Variants in PPFIA4 observed in about 807,000 individuals in gnomAD.
The protein encoded by PPFIA4 is liprin-alpha-4.
In PPFIA4, 98 loss-of-function variants were observed where a neutral mutation model predicts 145.7. The ratio of observed to expected loss-of-function variants is 0.67; its 90% confidence interval spans 0.57 to 0.80. The LOEUF is 0.80. Ranked by LOEUF, PPFIA4 falls within the 30% of genes least tolerant of loss-of-function variation. The pLI is 0.00. For missense variants in PPFIA4, 1,457 were observed against 1,632.7 expected, an observed-to-expected ratio of 0.89 and a Z score of 1.85; for synonymous variants, 628 against 649.6, an observed-to-expected ratio of 0.97 and a Z score of 0.51.
At chr1:203,051,115 A>G (rs1660474280) in intron 13 of PPFIA4, 2 of 984,928 alleles carry the variant, frequency 2.0e-6, no homozygotes, top group African/African-American at 1.7e-5. Flanking sequence ...GGAGGCTTCC[A>G]GATATTCCAG....
chr1:203,053,330 C>T (rs1660669556), intron 14 of PPFIA4, among the ~76,000 whole-genome samples: 1 of 151,700 alleles, frequency 6.6e-6, no homozygotes, highest in Non-Finnish European at 1.5e-5. Flanking sequence ...CTCAGAAGTT[C>T]ACTACCAGCC....
intron 15 of PPFIA4, among the ~76,000 whole-genome samples, chr1:203,054,951 C>T (rs973135711): frequency 2.0e-5 from 3 of 152,090 alleles, no homozygotes; most frequent in Admixed American, 1.3e-4. Context: ...CGTGTGCATG[C>T]ACTCCTTGCT....
intron 19 of PPFIA4, among the ~76,000 whole-genome samples, chr1:203,058,884 A>G (rs1346519546): frequency 6.6e-6 from 1 of 152,086 alleles, no homozygotes; most frequent in African/African-American, 2.4e-5. Flanking sequence ...GAGGAAGGAC[A>G]GGTTCTGTCT....
At chr1:203,069,755 A>ACCCCCCCCCCCCCCCCC (rs5780138) in intron 27 of PPFIA4, among the ~76,000 whole-genome samples, 1 of 104,754 alleles carries the variant, frequency 9.5e-6, no homozygotes, top group Non-Finnish European at 2.0e-5. Context: ...TTCTGCAGTG[A>ACCCCCCCCCCCCCCCCC]CCCCCCCGCC....
At chr1:203,059,683 G>C in intron 20 of PPFIA4, 87 bp from the exon 21 acceptor site, 1 of 1,140,216 alleles carries the variant, frequency 8.8e-7, no homozygotes. Context: ...TGGGTCTCCA[G>C]CTCTTGCACA....
intron 5 of PPFIA4, 110 bp from the exon 6 acceptor site, chr1:203,044,586 C>T (rs1659930358): frequency 2.1e-6 from 3 of 1,398,550 alleles, no homozygotes; most frequent in East Asian, 5.0e-5. Context: ...AGGCTGAGCA[C>T]CTCTTTCTAG....
intron 27 of PPFIA4, 53 bp from the exon 28 acceptor site, chr1:203,071,639 G>A: frequency 1.5e-6 from 2 of 1,364,744 alleles, no homozygotes; most frequent in Non-Finnish European, 2.1e-6. Flanking sequence ...TGGCATAAAG[G>A]TAGTTAACTA....
In PPFIA4 at chr1:203,049,750, G is replaced by A; in HGVS notation, c.1494G>A (p.Val498=). ...TGAAGGGCCGAGGGGGGCCGTTTGT[G>A]GATGGCGTCCACTCCAGGTACTGCA... The part of the protein sequence containing the change: ...DQLKGRGGPF[V]DGVHSRSHMG... Residue 498 remains valine (V), a synonymous_variant, in exon 13 of 30, where the codon GTG becomes GTA. Transcript: ENST00000295706. The A allele has an allele frequency of 6.3e-7, 1 of 1,587,710 alleles. No individual in the cohort carries two copies. Among genetic ancestry groups the A allele is most frequent in the Non-Finnish European group, 8.6e-7 (1 of 1,166,794 alleles).
At chr1:203,076,310 A>G in intron 29 of PPFIA4, 31 bp from the exon 30 acceptor site, 2 of 1,598,022 alleles carry the variant, frequency 1.3e-6, no homozygotes, top group African/African-American at 1.3e-5. Context: ...CCTGCCTCAC[A>G]GTGCGATGCC....
intron 27 of PPFIA4, among the ~76,000 whole-genome samples, chr1:203,070,962 T>G (rs1159954384): frequency 6.6e-6 from 1 of 151,810 alleles, no homozygotes; most frequent in Non-Finnish European, 1.5e-5. Context: ...TTTGTTTTTT[T>G]TTTTTCTTAG....
chr1:203,029,180 C>T (rs770264177), intron 1 of PPFIA4, among the ~76,000 whole-genome samples: 44 of 152,190 alleles, frequency 2.9e-4, no homozygotes, highest in Non-Finnish European at 5.0e-4. Flanking sequence ...TGGCCCACTG[C>T]ACAAGAAGCA....
At chr1:203,032,414 C>T (rs1571653406) in intron 1 of PPFIA4, among the ~76,000 whole-genome samples, 1 of 96,120 alleles carries the variant, frequency 1.0e-5, no homozygotes, top group Non-Finnish European at 2.2e-5. Flanking sequence ...GCTTGTAGTT[C>T]TCCCTTCCCC....
intron 19 of PPFIA4, among the ~76,000 whole-genome samples, chr1:203,058,236 G>A (rs1384400391): frequency 6.6e-6 from 1 of 152,180 alleles, no homozygotes; most frequent in Non-Finnish European, 1.5e-5. Flanking sequence ...CGAGGAGGAG[G>A]TTGGGGAAAG....
At chr1:203,033,594 A>T (rs1659001695) in intron 1 of PPFIA4, among the ~76,000 whole-genome samples, 1 of 152,140 alleles carries the variant, frequency 6.6e-6, no homozygotes, top group South Asian at 2.1e-4. Context: ...GCTCAGAGAG[A>T]TTCAGGATCT....
chr1:203,076,207 T>G, intron 29 of PPFIA4, 134 bp from the exon 30 acceptor site: 2 of 994,888 alleles, frequency 2.0e-6, no homozygotes, highest in Non-Finnish European at 3.1e-6. Flanking sequence ...TGCCCCTTCC[T>G]GCTTCGTCTG....
intron 1 of PPFIA4, chr1:203,035,366 C>T (rs537102291): frequency 1.1e-5 from 5 of 452,888 alleles, no homozygotes; most frequent in Non-Finnish European, 2.2e-5. Context: ...CCAGCCAGAG[C>T]AACAGACCCA....
At position 203,049,643 on chromosome 1, in the gene PPFIA4, ACTCCCGCCCC is replaced by A. The variant is rs772997599; in HGVS notation, c.1420-31_1420-22del. On this transcript the variant is annotated intron_variant, in intron 12 of 29. Coordinates refer to ENST00000295706, the MANE Select transcript of PPFIA4 (RefSeq NM_001304331.2). Reference sequence around the variant, plus strand: ...CCCTCTCTGCCCCTCCCTGGCCCCCACTCCCGCCCCCACCCCGGGTCTGCTGGCACAGGGC... The same window carrying A: ...CCCTCTCTGCCCCTCCCTGGCCCCCACACCCCGGGTCTGCTGGCACAGGGC... 5 of 701,980 alleles carry A rather than the reference ACTCCCGCCCC, an allele frequency of 7.1e-6. No homozygotes were observed. In the African/African-American group the frequency reaches 1.2e-4, roughly 17 times the overall value. The allele number at this position is 701,980 out of a possible 1,614,324, so 43.5% of individuals were successfully genotyped here.
At chr1:203,061,761 T>G in intron 24 of PPFIA4, 83 bp downstream of exon 24, 1 of 1,401,302 alleles carries the variant, frequency 7.1e-7, no homozygotes, top group Non-Finnish European at 9.7e-7. Flanking sequence ...GCAGCAGGAA[T>G]CTCTGAGTCC....
rs898468047 is a variant in PPFIA4, at chr1:203,048,933, G to A, written c.1372G>A (p.Glu458Lys). ...TCTCCCCCAGAACACGTTGATCCAG[G>A]AGTTGGAGAGCTCCCAGCGGCAGAT... The part of the protein sequence containing the change: ...ALEEKNTLIQ[E>K]LESSQRQIEE... The change falls in exon 12 of 30, where the codon GAG (glutamate) becomes AAG (lysine). Residue 458 changes from glutamate to lysine, a missense_variant. Physicochemically the swap from Glu to Lys is moderately conservative, Grantham distance 56. Around this residue, in one of 3 missense-constraint regions of PPFIA4, gnomAD observed 848 missense variants for 1,046.7 expected, o/e 0.81. Coordinates refer to ENST00000295706, the MANE Select transcript of PPFIA4 (RefSeq NM_001304331.2). This position sits in a 1 kb window ranked among gnomAD's most constrained non-coding sequence, Gnocchi z 5.8. 1.3e-6 allele frequency: 2 copies of A among 1,548,514 alleles called. No homozygotes were observed. The highest frequency in any genetic ancestry group is 1.7e-6 in the Non-Finnish European group (2 of 1,146,860).
Sources: gnomAD v4.1 joint callset for allele counts (sites outside exome capture counted in the v4.1 genomes callset) on GRCh38, gnomAD v4.1.1 for gene constraint, gnomAD v4.1.1 regional missense constraint, Gnocchi (gnomAD v3.1) non-coding constraint, MANE v1.5 for transcripts, NCBI Gene and HGNC (gene_info 2026-07-23, HGNC 2026-07-21) for gene names.